The following CD180 variants were observed in gnomAD, a reference collection of about 807,000 sequenced individuals.
CD180 encodes the protein CD180 antigen.
Under a neutral mutation model 10.7 loss-of-function variants are expected in CD180, and 11 were observed. The ratio of observed to expected loss-of-function variants is 1.03; its 90% CI spans 0.65 to 1.70. The LOEUF (loss-of-function observed/expected upper bound fraction) is 1.70. Among genes scored for constraint, CD180 ranks in the 40% most tolerant of loss-of-function variants. The pLI, the probability that CD180 is intolerant of heterozygous loss-of-function variation, is 0.00. For synonymous variants in CD180, 286 were observed against 294.6 expected (o/e 0.97, Z 0.30); for missense variants, 729 against 775.2 (o/e 0.94, Z 0.71).
At chr5:67,196,124 C>T (rs5744467) in intron 1 of CD180, among the ~76,000 whole-genome samples, 15 of 152,158 alleles carry the variant, frequency 9.9e-5, no homozygotes, top group African/African-American at 2.9e-4. Context: ...TTTCAATGCT[C>T]GAAAACCTGG....
rs748569788 is a variant in CD180, at chr5:67,186,034, A to G, written c.91-17T>C. On this transcript the variant is annotated splice_polypyrimidine_tract_variant and intron_variant, in intron 1 of 2. Transcript: ENST00000256447. ...GGCTTCTTTCTGATGGGAGAAACAA[A>G]GTAAATTAATATTAGACTTAATAAT... is the stretch of plus-strand genomic sequence containing the variant. The G allele has an allele frequency of 4.0e-6, 6 of 1,510,354 alleles. No individual in the cohort carries two copies. In the Admixed American group the frequency reaches 1.2e-4, roughly 30 times the overall value. 93.6% of individuals were successfully genotyped at this position (1,510,354 alleles called of 1,614,324 possible).
chr5:67,191,218 G>T lies in CD180; in HGVS notation c.91-5201C>A, dbSNP rs5744490. ...TTCTGTTTGTCTGTAAAGTCAGACT[G>T]CTTGGGTTCAAATCCTAGCTCTCAA... is the stretch of plus-strand genomic sequence containing the variant. On this transcript the variant is annotated intron_variant, in intron 1 of 2. Coordinates refer to ENST00000256447, the MANE Select transcript of CD180 (RefSeq NM_005582.3). 1,773 of 466,526 alleles carry T rather than the reference G, an allele frequency of 3.8e-3. 33 individuals are homozygous for T. Among genetic ancestry groups the T allele is most frequent in the African/African-American group, 0.035 (1,654 of 47,170 alleles). The allele number at this position is 466,526 out of a possible 1,614,324, so 28.9% of individuals were successfully genotyped here. A position where few individuals can be genotyped will look rare whatever the true frequency, so the allele number is the denominator to read the frequency against.
At chr5:67,195,279 C>T (rs963300703) in intron 1 of CD180, among the ~76,000 whole-genome samples, 10 of 152,172 alleles carry the variant, frequency 6.6e-5, no homozygotes, top group Non-Finnish European at 1.3e-4. Context: ...TGCGGTGGCA[C>T]AATCACGGCT....
chr5:67,184,764 G>A lies in CD180; in HGVS notation c.258-179C>T, dbSNP rs1369541552. Among the ~76,000 whole-genome samples, 4 of 151,982 alleles carry A rather than the reference G, an allele frequency of 2.6e-5. No individual in the cohort carries two copies. The East Asian group carries it at 7.7e-4, about 29-fold the overall frequency. ...AATGAGTAGCCTCACTTCTGAACAC[G>A]CCAATCTAGATTTTTTTTCCAGGTA... is the stretch of plus-strand genomic sequence containing the variant. On this transcript the variant is annotated intron_variant, in intron 2 of 2. Coordinates refer to ENST00000256447, the MANE Select transcript of CD180 (RefSeq NM_005582.3).
At position 67,181,647 on chromosome 5, in the gene CD180, G is replaced by GCACC. The variant is rs1742049550; in HGVS notation, c.*1206_*1209dup. 6.6e-6 allele frequency: 1 copy of GCACC among 152,194 alleles called. No homozygotes were observed. The highest frequency in any genetic ancestry group is 2.4e-5 in the African/African-American group (1 of 41,422). 9.4% of individuals were successfully genotyped at this position (152,194 alleles called of 1,614,324 possible). A position where few individuals can be genotyped will look rare whatever the true frequency, so the allele number is the denominator to read the frequency against. On this transcript the variant is annotated 3_prime_UTR_variant, in exon 3 of 3. Transcript: ENST00000256447. ...AAAATTGGTTATTGAACAGAACAAT[G>GCACC]CACCACTTGAGTCCAGGAGCTCCCG...
At chr5:67,196,131 C>G (rs1367609805) in intron 1 of CD180, among the ~76,000 whole-genome samples, 2 of 152,162 alleles carry the variant, frequency 1.3e-5, no homozygotes, top group Non-Finnish European at 1.5e-5. Flanking sequence ...GCTCGAAAAC[C>G]TGGCACAGCG....
At chr5:67,187,827 A>T (rs1286948312) in intron 1 of CD180, among the ~76,000 whole-genome samples, 2 of 152,148 alleles carry the variant, frequency 1.3e-5, no homozygotes, top group Non-Finnish European at 1.5e-5. Context: ...TTGGGAGGTG[A>T]TTGGATCATG....
chr5:67,188,277 A>G (rs1742240011), intron 1 of CD180, among the ~76,000 whole-genome samples: 1 of 152,214 alleles, frequency 6.6e-6, no homozygotes, highest in Non-Finnish European at 1.5e-5. Flanking sequence ...CCCTCACCAG[A>G]TACCAGAGCC....
chr5:67,184,425 G>A lies in CD180; in HGVS notation c.418C>T (p.Leu140Phe). 1 of 1,614,072 alleles carries A rather than the reference G, an allele frequency of 6.2e-7. No homozygotes were observed. Among genetic ancestry groups the A allele is most frequent in the Non-Finnish European group, 8.5e-7 (1 of 1,179,916 alleles). Residue 140 changes from leucine to phenylalanine, a missense_variant, in exon 3 of 3, where the codon CTC becomes TTC. Transcript: ENST00000256447. ...LFLIQTGISN[L>F]EFIPVHNLEN... is the part of the protein sequence containing the mutation. ...AGATTGTGCACTGGAATAAACTCGAGATTGGATATTCCCGTTTGGATTAAG... is the reference window on the plus strand; with the variant it reads ...AGATTGTGCACTGGAATAAACTCGAAATTGGATATTCCCGTTTGGATTAAG...
Position 67,186,103 on chromosome 5 carries a change from G to T in CD180, c.91-86C>A, listed in dbSNP as rs374323928. Reference sequence around the variant, plus strand: ...AAATTATATATGTTTTACCTTCCGAGCGGCAATCGTACTTCTAGTAATCTT... The same window carrying T: ...AAATTATATATGTTTTACCTTCCGATCGGCAATCGTACTTCTAGTAATCTT... On this transcript the variant is annotated intron_variant, in intron 1 of 2. Coordinates refer to ENST00000256447, the MANE Select transcript of CD180 (RefSeq NM_005582.3). 4.4e-5 allele frequency: 37 copies of T among 842,334 alleles called. No individual in the cohort carries two copies. The East Asian group carries it at 9.2e-4, about 21-fold the overall frequency. The allele number at this position is 842,334 out of a possible 1,614,324, so 52.2% of individuals were successfully genotyped here.
chr5:67,192,113 GGGCACGGT>G (rs1201102242), intron 1 of CD180, among the ~76,000 whole-genome samples: 1 of 152,130 alleles, frequency 6.6e-6, no homozygotes, highest in African/African-American at 2.4e-5. Context: ...CTTTGGGGCC[GGGCACGGT>G]GGCTCACGCC....
At position 67,182,021 on chromosome 5, in the gene CD180, ACCGGATGC is replaced by A. The variant is rs1374890245; in HGVS notation, c.*828_*835del. On this transcript the variant is annotated 3_prime_UTR_variant, in exon 3 of 3. Transcript: ENST00000256447. Reference sequence around the variant, plus strand: ...TCTTCTGGAAAAGAGACTTCTAAGAACCGGATGCCCAAATGAGAAGAGCATTTTGGGTC... The same window carrying A: ...TCTTCTGGAAAAGAGACTTCTAAGAACCAAATGAGAAGAGCATTTTGGGTC... 6.6e-6 allele frequency: 1 copy of A among 152,250 alleles called. No homozygotes were observed. The highest frequency in any genetic ancestry group is 1.5e-5 in the Non-Finnish European group (1 of 68,050). 9.4% of individuals were successfully genotyped at this position (152,250 alleles called of 1,614,324 possible).
In CD180 at chr5:67,183,906, A is replaced by G; in HGVS notation, c.937T>C (p.Leu313=). Residue 313 remains leucine (L), a synonymous_variant, in exon 3 of 3, where the codon TTA becomes CTA. Coordinates refer to ENST00000256447, the MANE Select transcript of CD180 (RefSeq NM_005582.3). ...TTCAGACCCTTCATCCCAGAGGGTA[A>G]CCCTTTCAAGTGAGTTGCTGTCAGA... ...LDLTATHLKG[L]PSGMKGLNLL... 6.2e-7 allele frequency: 1 copy of G among 1,614,112 alleles called. No homozygotes were observed. Among genetic ancestry groups the G allele is most frequent in the Non-Finnish European group, 8.5e-7 (1 of 1,179,990 alleles).
At chr5:67,189,918 A>G (rs1263094059) in intron 1 of CD180, among the ~76,000 whole-genome samples, 1 of 152,218 alleles carries the variant, frequency 6.6e-6, no homozygotes, top group Non-Finnish European at 1.5e-5. Flanking sequence ...GAAATTCAAG[A>G]TATTTAATAT....
At chr5:67,190,112 G>A (rs1204686673) in intron 1 of CD180, among the ~76,000 whole-genome samples, 1 of 152,140 alleles carries the variant, frequency 6.6e-6, no homozygotes, top group African/African-American at 2.4e-5. Flanking sequence ...CAACATGAAT[G>A]TCCTTTGAAG....
intron 1 of CD180, among the ~76,000 whole-genome samples, chr5:67,188,174 G>GAA (rs146658779): frequency 6.8e-6 from 1 of 147,322 alleles, no homozygotes; most frequent in African/African-American, 2.5e-5. Flanking sequence ...GCCTCAAAAA[G>GAA]AAAAAAAAAA....
chr5:67,191,113 C>T (rs750615361), intron 1 of CD180: 4 of 984,766 alleles, frequency 4.1e-6, no homozygotes, highest in Non-Finnish European at 4.8e-6. Flanking sequence ...ACAAACACTC[C>T]CTAGAGAGCA....
rs1259304143 is a variant in CD180, at chr5:67,179,752, G to C, written c.*3105C>G. On this transcript the variant is annotated 3_prime_UTR_variant, in exon 3 of 3. Coordinates refer to ENST00000256447, the MANE Select transcript of CD180 (RefSeq NM_005582.3). ...TTCAAGGGCTGTGCTGTACTAAGCA[G>C]TGGCTGCTGGCACAGGGAAAGGTGT... 1 of 152,244 alleles carries C rather than the reference G, an allele frequency of 6.6e-6. No individual in the cohort carries two copies. The highest frequency in any genetic ancestry group is 1.9e-4 in the East Asian group (1 of 5,190). The allele number at this position is 152,244 out of a possible 1,614,324, so 9.4% of individuals were successfully genotyped here.
rs983334311 is a variant in CD180 at position 67,190,444 on chromosome 5, G to C, written c.91-4427C>G. On this transcript the variant is annotated intron_variant, in intron 1 of 2. Coordinates refer to ENST00000256447, the MANE Select transcript of CD180 (RefSeq NM_005582.3). ...ACACCCACTACCATTGCAGTTTCTCGGATCTCCACATGACCATTTCCTATA... is the reference window on the plus strand; with the variant it reads ...ACACCCACTACCATTGCAGTTTCTCCGATCTCCACATGACCATTTCCTATA... 2.0e-5 allele frequency among the ~76,000 whole-genome samples: 3 copies of C among 152,070 alleles called. No individual in the cohort carries two copies. The South Asian group carries it at 6.2e-4, about 32-fold the overall frequency.
Sources: allele counts gnomAD v4.1 joint callset (sites outside exome capture counted in the v4.1 genomes callset), GRCh38; gene constraint gnomAD v4.1.1; transcripts MANE v1.5; gene names NCBI Gene and HGNC (gene_info 2026-07-23, HGNC 2026-07-21).